Variants in RANBP2 observed in about 807,000 individuals in gnomAD.
The protein encoded by RANBP2 is RAN binding protein 2, also known as E3 SUMO-protein ligase RanBP2.
RANBP2 carries 57 observed loss-of-function variants against 303.6 expected under a neutral mutation model. The ratio of observed to expected loss-of-function variants is 0.19; its 90% CI spans 0.15 to 0.23. RANBP2 has a LOEUF of 0.23. RANBP2 is among the 10% of genes least tolerant of loss of function. RANBP2 has a pLI of 1.00. For missense variants in RANBP2, 3,138 were observed against 3,780.8 expected, an observed-to-expected ratio of 0.83 and a Z score of 4.46; for synonymous variants, 1,167 against 1,301.5, an observed-to-expected ratio of 0.90 and a Z score of 2.23.
At chr2:108,839,940 G>C in the RANBP2 span, among the ~76,000 whole-genome samples, 3 of 151,366 alleles carry the variant, frequency 2.0e-5, no homozygotes, top group Non-Finnish European at 4.4e-5. Context: ...TCCTTGCCTT[G>C]TTTCTCCTCT....
chr2:109,424,295 G>A, the RANBP2 span, among the ~76,000 whole-genome samples: 10 of 152,226 alleles, frequency 6.6e-5, no homozygotes, highest in African/African-American at 2.4e-4. Context: ...GCTGCACCCT[G>A]AGGGAGATTC....
the RANBP2 span, chr2:108,791,661 T>C: frequency 6.2e-7 from 1 of 1,601,120 alleles, no homozygotes; most frequent in Non-Finnish European, 8.5e-7. Flanking sequence ...TGTGATACAA[T>C]TATTTTTTTA....
chr2:109,499,619 G>A, the RANBP2 span, among the ~76,000 whole-genome samples: 1 of 152,194 alleles, frequency 6.6e-6, no homozygotes, highest in Non-Finnish European at 1.5e-5. Flanking sequence ...TAAGCATAAG[G>A]GCCGAGGGCA....
At chr2:109,004,220 G>C in the RANBP2 span, among the ~76,000 whole-genome samples, 1 of 152,212 alleles carries the variant, frequency 6.6e-6, no homozygotes, top group Non-Finnish European at 1.5e-5. Context: ...GAACTGAAGG[G>C]ATGACCTTAG....
chr2:109,412,183 A>G, the RANBP2 span, among the ~76,000 whole-genome samples: 5,593 of 152,364 alleles, frequency 0.037, 213 homozygotes, highest in African/African-American at 0.095. Flanking sequence ...TGCTCCGCAC[A>G]GTGTGCACTC....
the RANBP2 span, among the ~76,000 whole-genome samples, chr2:109,185,760 T>C: frequency 2.0e-5 from 3 of 152,222 alleles, no homozygotes; most frequent in Non-Finnish European, 2.9e-5. Flanking sequence ...GGATTTTATA[T>C]TGTGATTTCA....
chr2:108,912,637 C>T, the RANBP2 span: 1 of 1,524,434 alleles, frequency 6.6e-7, no homozygotes. Context: ...ATCCGAGTAC[C>T]ACCTAACTCC....
chr2:109,176,759 T>A, the RANBP2 span, among the ~76,000 whole-genome samples: 1 of 152,148 alleles, frequency 6.6e-6, no homozygotes, highest in Non-Finnish European at 1.5e-5. Context: ...CATAGGGGCA[T>A]GGAAACAGGA....
chr2:108,732,999 T>C (rs2085864200), intron 4 of RANBP2, among the ~76,000 whole-genome samples: 1 of 152,084 alleles, frequency 6.6e-6, no homozygotes, highest in African/African-American at 2.4e-5. Context: ...TATTTTTGTA[T>C]TTTTAGTAGA....
the RANBP2 span, among the ~76,000 whole-genome samples, chr2:109,147,175 A>C: frequency 1.8e-4 from 28 of 152,232 alleles, no homozygotes; most frequent in Admixed American, 1.6e-3. Context: ...CACTTCCTCA[A>C]GGTGCCTGGG....
At chr2:109,073,450 C>T in the RANBP2 span, among the ~76,000 whole-genome samples, 14 of 152,008 alleles carry the variant, frequency 9.2e-5, no homozygotes, top group Admixed American at 1.3e-4. Context: ...GGGTGGATCA[C>T]GAGGTCAGGA....
At chr2:109,767,295 G>A in the RANBP2 span, among the ~76,000 whole-genome samples, 1 of 149,784 alleles carries the variant, frequency 6.7e-6, no homozygotes, top group Non-Finnish European at 1.5e-5. Context: ...CCCTGGGACG[G>A]TTTTGAGTAG....
chr2:108,967,927 C>A, the RANBP2 span, among the ~76,000 whole-genome samples: 1 of 152,146 alleles, frequency 6.6e-6, no homozygotes, highest in Non-Finnish European at 1.5e-5. Flanking sequence ...CTGTCAAATC[C>A]GGCTTTGCGG....
At chr2:109,215,750 G>C in the RANBP2 span, among the ~76,000 whole-genome samples, 1 of 152,320 alleles carries the variant, frequency 6.6e-6, no homozygotes, top group East Asian at 1.9e-4. Context: ...TCTAATGGGG[G>C]ACATCGCTGC....
downstream of RANBP2, among the ~76,000 whole-genome samples, chr2:108,790,039 G>A (rs1245774610): frequency 6.6e-6 from 1 of 152,108 alleles, no homozygotes; most frequent in Non-Finnish European, 1.5e-5. Context: ...GTATTTGGGA[G>A]CTTGACTTTT....
the RANBP2 span, among the ~76,000 whole-genome samples, chr2:109,205,130 A>G: frequency 1.3e-5 from 2 of 152,192 alleles, no homozygotes; most frequent in African/African-American, 4.8e-5. Context: ...TGCCTTGAAT[A>G]CAAGAGATTG....
chr2:108,892,036 G>T, the RANBP2 span, among the ~76,000 whole-genome samples: 1 of 152,144 alleles, frequency 6.6e-6, no homozygotes, highest in Admixed American at 6.5e-5. Flanking sequence ...AGGCCCCTTG[G>T]TGAGAGCAGG....
the RANBP2 span, among the ~76,000 whole-genome samples, chr2:109,042,739 C>T: frequency 1.3e-5 from 2 of 152,122 alleles, no homozygotes; most frequent in African/African-American, 2.4e-5. Flanking sequence ...ATCATCTAGT[C>T]CACATCTAGT....
chr2:109,319,480 T>C, the RANBP2 span, among the ~76,000 whole-genome samples: 1 of 152,184 alleles, frequency 6.6e-6, no homozygotes. Context: ...CTTGCACTTC[T>C]GCTGGGGTAG....
Sources: gnomAD v4.1 joint callset for allele counts (sites outside exome capture counted in the v4.1 genomes callset) on GRCh38, gnomAD v4.1.1 for gene constraint, MANE v1.5 for transcripts, NCBI Gene and HGNC (gene_info 2026-07-23, HGNC 2026-07-21) for gene names.